The following ELF4 variants were observed in gnomAD, a reference collection of about 807,000 sequenced individuals.
The protein encoded by ELF4 is E74 like ETS transcription factor 4.
A neutral mutation model predicts 31.7 loss-of-function variants in ELF4; 10 were observed. The ratio of observed to expected loss-of-function variants is 0.32; its 90% CI spans 0.19 to 0.54. The LOEUF (loss-of-function observed/expected upper bound fraction) is 0.54. Among genes scored for constraint, ELF4 ranks in the 20% least tolerant of loss-of-function variants. The pLI, the probability that ELF4 is intolerant of heterozygous loss-of-function variation, is 0.95. For synonymous variants in ELF4, 208 were observed against 226.7 expected, an observed-to-expected ratio of 0.92 and a Z score of 0.74; for missense variants, 418 against 522.0, an observed-to-expected ratio of 0.80 and a Z score of 1.94.
chrX:130,084,397 G>A (rs901111849), intron 1 of ELF4, among the ~76,000 whole-genome samples: 1 of 112,599 alleles, frequency 8.9e-6, no homozygotes, highest in Non-Finnish European at 1.9e-5. Context: ...GCTGGTGGGG[G>A]AGGGAGGCAG....
At chrX:130,087,079 C>T (rs913784587) in intron 1 of ELF4, among the ~76,000 whole-genome samples, 2 of 112,814 alleles carry the variant, frequency 1.8e-5, no homozygotes, top group African/African-American at 6.4e-5. Context: ...CAAAGAGAAC[C>T]TATTTCCCCA....
rs192950518 is a variant in ELF4 at position 130,093,633 on chromosome X, C to T, written c.-209-12094G>A. On this transcript the variant is annotated intron_variant, in intron 1 of 8. Coordinates refer to ENST00000308167, the MANE Select transcript of ELF4 (RefSeq NM_001421.4). Reference sequence around the variant, plus strand: ...GCTGTAAGCAGCCTGAGGCTTTGGACCTCTCTGCCCAGTTGCCAGTCCTCC... The same window carrying T: ...GCTGTAAGCAGCCTGAGGCTTTGGATCTCTCTGCCCAGTTGCCAGTCCTCC... Among the ~76,000 whole-genome samples, 613 of 112,319 alleles carry T rather than the reference C, an allele frequency of 5.5e-3. 6 individuals carry two copies. The highest frequency in any genetic ancestry group is 0.019 in the African/African-American group (578 of 30,901).
chrX:130,098,257 T>A (rs370879869), intron 1 of ELF4, among the ~76,000 whole-genome samples: 4 of 111,512 alleles, frequency 3.6e-5, no homozygotes, highest in Non-Finnish European at 5.6e-5. Context: ...GCGTTCTTTT[T>A]AAATTGTACC....
Position 130,074,567 on chromosome X carries a change from G to T in ELF4, c.247+14C>A. The T allele has an allele frequency of 8.3e-7, 1 of 1,211,694 alleles. No homozygotes were observed. Among genetic ancestry groups the T allele is most frequent in the Non-Finnish European group, 1.1e-6 (1 of 895,465 alleles). On this transcript the variant is annotated intron_variant, in intron 3 of 8. Transcript: ENST00000308167. Reference sequence around the variant, plus strand: ...TTTTCTACCACACCTTCTCTGCCCAGGAAGGGAACAGACCTGTCAGCAAAA... The same window carrying T: ...TTTTCTACCACACCTTCTCTGCCCATGAAGGGAACAGACCTGTCAGCAAAA...
chrX:130,110,729 G>A (rs1452719278), upstream of ELF4: 2 of 105,262 alleles, frequency 1.9e-5, no homozygotes. Context: ...GTGAGACGGC[G>A]GCGCCCCTGA....
chrX:130,102,951 GA>G (rs57133170), intron 1 of ELF4, among the ~76,000 whole-genome samples: 15 of 46,547 alleles, frequency 3.2e-4, no homozygotes, highest in African/African-American at 2.1e-3. Context: ...AGGAAGGAAG[GA>G]AGGGAGGGAG....
chrX:130,078,305 C>T lies in ELF4; in HGVS notation c.75+2951G>A, dbSNP rs1480288923. 4.3e-5 allele frequency among the ~76,000 whole-genome samples: 4 copies of T among 93,015 alleles called. No individual in the cohort carries two copies. The Admixed American group carries it at 4.9e-4, about 11-fold the overall frequency. 80.8% of individuals were successfully genotyped at this position (93,015 alleles called of 115,157 possible). A position where few individuals can be genotyped will look rare whatever the true frequency, so the allele number is the denominator to read the frequency against. ...AGGTGATCTGCCTGTCTCGGCCTCC[C>T]GAAGTGCTGGGATTACAGGTGTGAG... On this transcript the variant is annotated intron_variant, in intron 2 of 8. Transcript: ENST00000308167.
At chrX:130,078,140 G>A (rs1042359742) in intron 2 of ELF4, among the ~76,000 whole-genome samples, 6 of 102,542 alleles carry the variant, frequency 5.9e-5, no homozygotes, top group Non-Finnish European at 1.2e-4. Flanking sequence ...CTCCACTACC[G>A]GGTTCAAGTG....
intron 2 of ELF4, among the ~76,000 whole-genome samples, chrX:130,076,049 C>A (rs191377284): frequency 9.0e-6 from 1 of 111,324 alleles, no homozygotes; most frequent in Non-Finnish European, 1.9e-5. Context: ...GAAATAGAGA[C>A]GCCTATCAGG....
intron 1 of ELF4, among the ~76,000 whole-genome samples, chrX:130,084,086 T>C (rs951448339): frequency 8.9e-6 from 1 of 112,224 alleles, no homozygotes; most frequent in Non-Finnish European, 1.9e-5. Flanking sequence ...AAGCGCACTG[T>C]AGGTATATGT....
At chrX:130,093,504 G>A (rs1466004142) in intron 1 of ELF4, among the ~76,000 whole-genome samples, 4 of 111,550 alleles carry the variant, frequency 3.6e-5, no homozygotes, top group Non-Finnish European at 7.5e-5. Flanking sequence ...CCCAGGTGCT[G>A]TTGCAAGGTG....
At chrX:130,097,028 G>A (rs759844730) in intron 1 of ELF4, among the ~76,000 whole-genome samples, 1 of 109,720 alleles carries the variant, frequency 9.1e-6, no homozygotes, top group South Asian at 3.9e-4. Flanking sequence ...CGGGCATGGT[G>A]GCTTGCGCCT....
At chrX:130,104,303 C>T (rs1186897290) in intron 1 of ELF4, among the ~76,000 whole-genome samples, 1 of 109,398 alleles carries the variant, frequency 9.1e-6, no homozygotes, top group Non-Finnish European at 1.9e-5. Flanking sequence ...CACACACACA[C>T]ACACACACAC....
At chrX:130,097,016 G>A (rs1933159896) in intron 1 of ELF4, among the ~76,000 whole-genome samples, 1 of 110,199 alleles carries the variant, frequency 9.1e-6, no homozygotes, top group Admixed American at 9.8e-5. Context: ...ACTGCAAGGG[G>A]CCGGGCATGG....
At chrX:130,082,759 C>T (rs1932903751) in intron 1 of ELF4, among the ~76,000 whole-genome samples, 1 of 111,013 alleles carries the variant, frequency 9.0e-6, no homozygotes, top group African/African-American at 3.3e-5. Context: ...CTCCTCCACC[C>T]CATCACTGGA....
At chrX:130,091,000 G>A (rs1289890914) in intron 1 of ELF4, among the ~76,000 whole-genome samples, 1 of 111,645 alleles carries the variant, frequency 9.0e-6, no homozygotes, top group Non-Finnish European at 1.9e-5. Flanking sequence ...TTTTTGTTGA[G>A]ACAGGGTTTT....
chrX:130,079,135 C>T (rs1403541103), intron 2 of ELF4, among the ~76,000 whole-genome samples: 1 of 110,236 alleles, frequency 9.1e-6, no homozygotes, highest in African/African-American at 3.3e-5. Context: ...TGAAGATGTT[C>T]AAAGTTGAGG....
chrX:130,069,352 T>G lies in ELF4; in HGVS notation c.1135A>C (p.Thr379Pro). The change falls in exon 8 of 9, where the codon ACC (threonine) becomes CCC (proline). Residue 379 changes from threonine (T) to proline (P), a missense_variant. Thr to Pro is a conservative substitution (Grantham distance 38). Transcript: ENST00000308167. The stretch of plus-strand genomic sequence containing the variant: ...CCCTCTGCTGGAGAGACGAGCATGG[T>G]GGAGGTAGTGGGGATCTCCTCGTCT... ...SLDEEIPTTSTMLVSPAEGQV... is the reference protein window; with the variant it reads ...SLDEEIPTTSPMLVSPAEGQV... 1 of 1,211,889 alleles carries G rather than the reference T, an allele frequency of 8.3e-7. No individual in the cohort carries two copies. Among genetic ancestry groups the G allele is most frequent in the Non-Finnish European group, 1.1e-6 (1 of 895,542 alleles).
chrX:130,111,122 G>T (rs1302359420), upstream of ELF4, among the ~76,000 whole-genome samples: 1 of 108,261 alleles, frequency 9.2e-6, no homozygotes, highest in Non-Finnish European at 1.9e-5. Flanking sequence ...AGGGGCCCGC[G>T]CGGCCTCTCA....
Sources: gnomAD v4.1 joint callset for allele counts (sites outside exome capture counted in the v4.1 genomes callset) on GRCh38, gnomAD v4.1.1 for gene constraint, MANE v1.5 for transcripts, NCBI Gene and HGNC (gene_info 2026-07-23, HGNC 2026-07-21) for gene names.